The following SYNE1 variants were observed in gnomAD, a reference collection of about 807,000 sequenced individuals.
SYNE1 encodes the protein nesprin-1.
Under a neutral mutation model 1,111.0 loss-of-function variants are expected in SYNE1, and 616 were observed. The observed-to-expected ratio is 0.55, with a 90% CI of 0.52 to 0.59. The LOEUF is 0.59. Ranked by LOEUF, SYNE1 falls within the 20% of genes least tolerant of loss-of-function variation. The pLI is 0.00. For missense variants in SYNE1, 10,006 were observed against 10,417.0 expected (o/e 0.96, Z 1.72); for synonymous variants, 3,855 against 3,825.8 (o/e 1.01, Z -0.28).
chr6:152,421,703 A>G (rs149793584), intron 39 of SYNE1, among the ~76,000 whole-genome samples: 11 of 135,454 alleles, frequency 8.1e-5, no homozygotes, highest in African/African-American at 3.2e-4. Context: ...TTATTTATTT[A>G]TTTATTTATT....
chr6:152,137,391 G>T (rs1237168549), intron 140 of SYNE1, among the ~76,000 whole-genome samples: 2 of 152,110 alleles, frequency 1.3e-5, no homozygotes, highest in Non-Finnish European at 2.9e-5. Context: ...CAGGGCCCTG[G>T]GATCCAGATG....
chr6:152,553,746 TATATC>T (rs537420391), intron 3 of SYNE1, among the ~76,000 whole-genome samples: 94 of 152,332 alleles, frequency 6.2e-4, no homozygotes, highest in African/African-American at 2.1e-3. Flanking sequence ...GTATTATTAT[TATATC>T]ATGTGTCACA....
intron 133 of SYNE1, among the ~76,000 whole-genome samples, chr6:152,152,560 A>G (rs1334549909): frequency 6.6e-6 from 1 of 152,238 alleles, no homozygotes; most frequent in Non-Finnish European, 1.5e-5. Context: ...TCTGCTGTCA[A>G]TATGGAGAAA....
Position 152,354,719 on chromosome 6 carries a change from A to G in SYNE1, c.10866T>C (p.Ser3622=), listed in dbSNP as rs9397102. ...EWLKTAEEKV[S]PRTRRQSNRA... Reference sequence around the variant, plus strand: ...TGTTAGACTGACGTCTGGTCCTGGGACTAACTTTCTCCTCTGCTGTTTTGA... The same window carrying G: ...TGTTAGACTGACGTCTGGTCCTGGGGCTAACTTTCTCCTCTGCTGTTTTGA... The change falls in exon 67 of 146, where the codon AGT becomes AGC. Residue 3622 remains serine (S), a synonymous_variant. Coordinates refer to ENST00000367255, the MANE Select transcript of SYNE1 (RefSeq NM_182961.4). The G allele has an allele frequency of 0.6, 969,658 of 1,613,882 alleles. 292,524 individuals are homozygous for G. Among genetic ancestry groups the G allele is most frequent in the East Asian group, 0.64 (28,678 of 44,872 alleles).
intron 6 of SYNE1, among the ~76,000 whole-genome samples, chr6:152,519,044 A>G (rs1247265891): frequency 6.6e-6 from 1 of 151,990 alleles, no homozygotes; most frequent in Non-Finnish European, 1.5e-5. Context: ...GCTAAATGAC[A>G]AGCTAATGGG....
In SYNE1 at chr6:152,219,057, A is replaced by G; in HGVS notation, c.21990T>C (p.Ser7330=). 1 of 1,614,130 alleles carries G rather than the reference A, an allele frequency of 6.2e-7. No homozygotes were observed. Among genetic ancestry groups the G allele is most frequent in the South Asian group, 1.1e-5 (1 of 91,082 alleles). Residue 7330 remains serine (S), a synonymous_variant, in exon 120 of 146, where the codon AGT becomes AGC. Coordinates refer to ENST00000367255, the MANE Select transcript of SYNE1 (RefSeq NM_182961.4). ...CTTGCTCCAGGGCACACAAGTGTTG[A>G]CTCAAAGAGAGTTGATCCGATTGAA... ...SAIQSDQLSL[S]QHLCALEQAL... is the part of the protein sequence containing the mutation.
chr6:152,388,105 A>T (rs2097550722), intron 53 of SYNE1, among the ~76,000 whole-genome samples: 2 of 152,328 alleles, frequency 1.3e-5, no homozygotes, highest in East Asian at 3.9e-4. Flanking sequence ...ATGAGTCTGA[A>T]ATTAAAATCC....
At chr6:152,310,894 T>A in intron 87 of SYNE1, 21 bp from the exon 88 acceptor site, 4 of 1,611,452 alleles carry the variant, frequency 2.5e-6, no homozygotes, top group Non-Finnish European at 3.4e-6. Context: ...TTGTCAATAT[T>A]CATGACATTG....
rs1278089186 is a variant in SYNE1 at position 152,136,767 on chromosome 6, GAT to G, written c.25508_25509del (p.Asn8503ThrfsTer5). ...DHRKAIILSI[N>X]LCSPEFTQAD... ...GCCTGGGTGAACTCAGGGCTGCAGA[GAT>G]TGATGGAGAGGATGATGGCTTTGCG... is the stretch of plus-strand genomic sequence containing the variant. On this transcript the variant is annotated frameshift_variant, in exon 141 of 146. Transcript: ENST00000367255. LOFTEE classifies it high-confidence loss of function. 4 of 1,614,130 alleles carry G rather than the reference GAT, an allele frequency of 2.5e-6. No homozygotes were observed. Among genetic ancestry groups the G allele is most frequent in the Non-Finnish European group, 3.4e-6 (4 of 1,180,050 alleles).
chr6:152,176,365 C>G (rs41292868), intron 130 of SYNE1, 29 bp downstream of exon 130: 1 of 1,613,524 alleles, frequency 6.2e-7, no homozygotes, highest in Non-Finnish European at 8.5e-7. Flanking sequence ...ACTGCCCACA[C>G]GTGCCCTATT....
At chr6:152,333,127 A>G (rs1290543071) in intron 77 of SYNE1, among the ~76,000 whole-genome samples, 4 of 152,232 alleles carry the variant, frequency 2.6e-5, no homozygotes. Flanking sequence ...TCGGTGCAGA[A>G]GAAGTGTAGA....
At chr6:152,561,923 A>G (rs908861537) in intron 3 of SYNE1, among the ~76,000 whole-genome samples, 5 of 152,256 alleles carry the variant, frequency 3.3e-5, no homozygotes, top group African/African-American at 4.8e-5. Context: ...GACAGATTAA[A>G]GATTTAAACG....
intron 56 of SYNE1, among the ~76,000 whole-genome samples, chr6:152,380,340 C>T (rs1363188730): frequency 3.3e-5 from 5 of 151,960 alleles, no homozygotes; most frequent in Non-Finnish European, 5.9e-5. Flanking sequence ...TTCAAAGATA[C>T]TGTTTAACAG....
rs565114101 is a variant in SYNE1, at chr6:152,240,209, A to C, written c.19894-503T>G. Among the ~76,000 whole-genome samples the C allele has an allele frequency of 2.0e-5, 3 of 152,318 alleles. No individual in the cohort carries two copies. In the East Asian group the frequency reaches 5.8e-4, roughly 29 times the overall value. On this transcript the variant is annotated intron_variant, in intron 107 of 145. Transcript: ENST00000367255. ...GGAAACACAGGGAAAGGTAGAGGTA[A>C]GAACGAAGGTGGGCTCCTTTGAAGA... is the stretch of plus-strand genomic sequence containing the variant.
At chr6:152,605,037 G>GAGAGA (rs2099610242) in intron 3 of SYNE1, among the ~76,000 whole-genome samples, 1 of 32,306 alleles carries the variant, frequency 3.1e-5, no homozygotes, top group Non-Finnish European at 6.1e-5. Flanking sequence ...AGAGAGAGAG[G>GAGAGA]GAGGGAGGGA....
rs144325738 is a variant in SYNE1, at chr6:152,406,775, G to A, written c.6723+239C>T. 0.055 allele frequency among the ~76,000 whole-genome samples: 8,345 copies of A among 152,044 alleles called. 412 individuals carry two copies. The highest frequency in any genetic ancestry group is 0.13 in the African/African-American group (5,534 of 41,434). On this transcript the variant is annotated intron_variant, in intron 45 of 145. Transcript: ENST00000367255. ...CCCAGCTACTCAGGAGGCTGAGGCA[G>A]GAGAATCGCTTGAACCCAGGAGGTG...
At chr6:152,615,081 G>A (rs1388087444) in intron 3 of SYNE1, among the ~76,000 whole-genome samples, 4 of 152,012 alleles carry the variant, frequency 2.6e-5, no homozygotes, top group Admixed American at 6.6e-5. Context: ...GTATACCTAC[G>A]TATAAACCTG....
intron 137 of SYNE1, chr6:152,146,392 T>A (rs963740850): frequency 5.3e-5 from 8 of 152,336 alleles, no homozygotes; most frequent in Middle Eastern, 3.4e-3. Flanking sequence ...GTAATCAATA[T>A]AATTATTAAT....
chr6:152,430,831 G>A (rs949415671), intron 34 of SYNE1, 122 bp from the exon 35 acceptor site: 1 of 956,356 alleles, frequency 1.0e-6, no homozygotes, highest in East Asian at 2.5e-5. Flanking sequence ...TGGATGGTTA[G>A]AGCGCAGCTG....
Sources: gnomAD v4.1 joint callset for allele counts (sites outside exome capture counted in the v4.1 genomes callset) on GRCh38, gnomAD v4.1.1 for gene constraint, MANE v1.5 for transcripts, NCBI Gene and HGNC (gene_info 2026-07-23, HGNC 2026-07-21) for gene names.